The following ZKSCAN1 variants were observed in gnomAD, a reference collection of about 807,000 sequenced individuals.
ZKSCAN1 encodes the protein zinc finger protein with KRAB and SCAN domains 1.
ZKSCAN1 carries 14 observed loss-of-function variants against 51.6 expected under a neutral mutation model. That is an observed-to-expected ratio of 0.27 (90% CI 0.18 to 0.42). ZKSCAN1 has a LOEUF of 0.42. Ranked by LOEUF, ZKSCAN1 falls within the 10% of genes least tolerant of loss-of-function variation. ZKSCAN1 has a pLI of 1.00. For synonymous variants in ZKSCAN1, 263 were observed against 261.5 expected, an observed-to-expected ratio of 1.01 and a Z score of -0.06; for missense variants, 531 against 710.0, an observed-to-expected ratio of 0.75 and a Z score of 2.86.
intron 1 of ZKSCAN1, chr7:100,016,768 A>G (rs1790383899): frequency 1.3e-5 from 2 of 152,334 alleles, no homozygotes; most frequent in South Asian, 2.1e-4. Flanking sequence ...GGCCAGTGCT[A>G]GGCGGATTGG....
Position 100,037,266 on chromosome 7 carries a change from A to C in ZKSCAN1, c.*3069A>C. The C allele has an allele frequency of 2.0e-6, 2 of 985,412 alleles. No individual in the cohort carries two copies. Among genetic ancestry groups the C allele is most frequent in the Non-Finnish European group, 2.4e-6 (2 of 829,928 alleles). 61.0% of individuals were successfully genotyped at this position (985,412 alleles called of 1,614,324 possible). The stretch of plus-strand genomic sequence containing the variant: ...TTAGCATGCTAGTTGTCCTAATGGA[A>C]ATTTTTGAAGAGTTTTTCAATATAT... On this transcript the variant is annotated 3_prime_UTR_variant, in exon 6 of 6. Coordinates refer to ENST00000324306, the MANE Select transcript of ZKSCAN1 (RefSeq NM_003439.4).
At chr7:100,024,034 G>A in intron 2 of ZKSCAN1, 102 bp downstream of exon 2, 1 of 1,521,866 alleles carries the variant, frequency 6.6e-7, no homozygotes, top group African/African-American at 1.4e-5. Flanking sequence ...TGGTTACTCT[G>A]TCTTAAAAAT....
Position 100,036,482 on chromosome 7 carries a change from C to T in ZKSCAN1, c.*2285C>T, listed in dbSNP as rs1471946167. 8.2e-6 allele frequency: 8 copies of T among 977,090 alleles called. No individual in the cohort carries two copies. The highest frequency in any genetic ancestry group is 4.7e-5 in the South Asian group (1 of 21,138). The allele number at this position is 977,090 out of a possible 1,614,324, so 60.5% of individuals were successfully genotyped here. A position where few individuals can be genotyped will look rare whatever the true frequency, so the allele number is the denominator to read the frequency against. On this transcript the variant is annotated 3_prime_UTR_variant, in exon 6 of 6. Coordinates refer to ENST00000324306, the MANE Select transcript of ZKSCAN1 (RefSeq NM_003439.4). Reference sequence around the variant, plus strand: ...CTGTAATCCCAGCACTTTGGGAGGCCGAGGTGAGCGGATCACCTGAGGTCA... The same window carrying T: ...CTGTAATCCCAGCACTTTGGGAGGCTGAGGTGAGCGGATCACCTGAGGTCA...
Position 100,038,398 on chromosome 7 carries a change from C to T in ZKSCAN1, c.*4201C>T, listed in dbSNP as rs1223139015. 2.0e-6 allele frequency: 2 copies of T among 985,288 alleles called. No individual in the cohort carries two copies. Among genetic ancestry groups the T allele is most frequent in the East Asian group, 1.1e-4 (1 of 8,820 alleles). The allele number at this position is 985,288 out of a possible 1,614,324, so 61.0% of individuals were successfully genotyped here. The stretch of plus-strand genomic sequence containing the variant: ...AAGGGAAAAGCTTCATAGTTTGGTG[C>T]TTATCACATCAAGAGATTGGTAAAT... On this transcript the variant is annotated 3_prime_UTR_variant, in exon 6 of 6. Transcript: ENST00000324306.
At chr7:100,028,610 G>C (rs1415727841) in intron 3 of ZKSCAN1, among the ~76,000 whole-genome samples, 1 of 152,106 alleles carries the variant, frequency 6.6e-6, no homozygotes, top group South Asian at 2.1e-4. Context: ...CTGTCTACCA[G>C]TAACATTTCC....
Position 100,040,938 on chromosome 7 carries a change from T to G in ZKSCAN1, c.*6741T>G, listed in dbSNP as rs1211002695. 3 of 985,260 alleles carry G rather than the reference T, an allele frequency of 3.0e-6. No individual in the cohort carries two copies. Among genetic ancestry groups the G allele is most frequent in the East Asian group, 2.3e-4 (2 of 8,822 alleles). 61.0% of individuals were successfully genotyped at this position (985,260 alleles called of 1,614,324 possible). A position where few individuals can be genotyped will look rare whatever the true frequency, so the allele number is the denominator to read the frequency against. On this transcript the variant is annotated 3_prime_UTR_variant, in exon 6 of 6. Coordinates refer to ENST00000324306, the MANE Select transcript of ZKSCAN1 (RefSeq NM_003439.4). ...GGTGGGAGGAGACAGGTTGTGGTTA[T>G]GCAGGAAAATCTTGTCCTAAAAATA...
chr7:100,024,892 T>C (rs1355437983), intron 3 of ZKSCAN1: 1 of 55,688 alleles, frequency 1.8e-5, no homozygotes, highest in Non-Finnish European at 3.1e-5. Context: ...AGAGCGAGAC[T>C]GTCTTAAAAA....
rs117644160 is a variant in ZKSCAN1, at chr7:100,032,554, A to G, written c.800-751A>G. ...TTTCCCCTTGTTTTTCTCCTATTTT[A>G]TGTCCAATTAATATTGTGAAGTCAG... On this transcript the variant is annotated intron_variant, in intron 5 of 5. Coordinates refer to ENST00000324306, the MANE Select transcript of ZKSCAN1 (RefSeq NM_003439.4). Among the ~76,000 whole-genome samples the G allele has an allele frequency of 8.9e-4, 136 of 152,158 alleles. 1 individual carries two copies. The East Asian group carries it at 0.023, about 25-fold the overall frequency.
intron 1 of ZKSCAN1, among the ~76,000 whole-genome samples, chr7:100,018,696 A>C (rs977881609): frequency 4.6e-5 from 7 of 152,204 alleles, no homozygotes; most frequent in Admixed American, 4.6e-4. Context: ...GCATCATGAG[A>C]AATTACCTAG....
chr7:100,042,359 G>A (rs568098667), downstream of ZKSCAN1, among the ~76,000 whole-genome samples: 23 of 151,034 alleles, frequency 1.5e-4, no homozygotes, highest in Admixed American at 9.3e-4. Context: ...GAGGATGTGA[G>A]GTTGTGTCCA....
chr7:100,038,015 CTG>C lies in ZKSCAN1; in HGVS notation c.*3820_*3821del. The C allele has an allele frequency of 1.0e-6, 1 of 984,414 alleles. No individual in the cohort carries two copies. Among genetic ancestry groups the C allele is most frequent in the Non-Finnish European group, 1.2e-6 (1 of 829,636 alleles). 61.0% of individuals were successfully genotyped at this position (984,414 alleles called of 1,614,324 possible). A position where few individuals can be genotyped will look rare whatever the true frequency, so the allele number is the denominator to read the frequency against. ...CAGCCTTGAGTGACAGAGCGAGGCTCTGTATCAAAAAAAAAAGTTGCGGGGGG... is the reference window on the plus strand; with the variant it reads ...CAGCCTTGAGTGACAGAGCGAGGCTCTATCAAAAAAAAAAGTTGCGGGGGG... On this transcript the variant is annotated 3_prime_UTR_variant, in exon 6 of 6. Transcript: ENST00000324306.
intron 5 of ZKSCAN1, among the ~76,000 whole-genome samples, chr7:100,032,454 CTT>C (rs1338047466): frequency 6.6e-6 from 1 of 152,240 alleles, no homozygotes; most frequent in Non-Finnish European, 1.5e-5. Context: ...ACTCTCCACT[CTT>C]TGCCTGCGCT....
At chr7:100,028,794 C>CAA (rs56779174) in intron 3 of ZKSCAN1, among the ~76,000 whole-genome samples, 1,372 of 82,932 alleles carry the variant, frequency 0.017, 20 homozygotes, top group Non-Finnish European at 0.021. Flanking sequence ...TACATCTTAT[C>CAA]AAAAAAAAAA....
intron 5 of ZKSCAN1, among the ~76,000 whole-genome samples, chr7:100,032,015 G>T (rs1325386328): frequency 2.6e-5 from 4 of 152,166 alleles, no homozygotes; most frequent in East Asian, 1.9e-4. Flanking sequence ...GGAGATCGAG[G>T]CTGCAGTGAG....
intron 1 of ZKSCAN1, among the ~76,000 whole-genome samples, chr7:100,018,172 TA>T (rs1417583689): frequency 6.6e-6 from 1 of 152,318 alleles, no homozygotes; most frequent in South Asian, 2.1e-4. Flanking sequence ...GCTTTAATGC[TA>T]ACCTGAAACT....
In ZKSCAN1 at chr7:100,039,758, C is replaced by G. The variant is rs1323587097; in HGVS notation, c.*5561C>G. ...GGGTGGGGGCCATATTTCTCTGTGTCCTACTCTGAGCAACTTCTCAGAGAT... is the reference window on the plus strand; with the variant it reads ...GGGTGGGGGCCATATTTCTCTGTGTGCTACTCTGAGCAACTTCTCAGAGAT... On this transcript the variant is annotated 3_prime_UTR_variant, in exon 6 of 6. Coordinates refer to ENST00000324306, the MANE Select transcript of ZKSCAN1 (RefSeq NM_003439.4). The G allele has an allele frequency of 1.0e-6, 1 of 985,366 alleles. No individual in the cohort carries two copies. Among genetic ancestry groups the G allele is most frequent in the Non-Finnish European group, 1.2e-6 (1 of 829,938 alleles). 61.0% of individuals were successfully genotyped at this position (985,366 alleles called of 1,614,324 possible).
At chr7:100,045,158 G>T (rs1211285610), downstream of ZKSCAN1, among the ~76,000 whole-genome samples, 1 of 152,080 alleles carries the variant, frequency 6.6e-6, no homozygotes, top group Non-Finnish European at 1.5e-5. Context: ...ATCTGATCCC[G>T]CTACTTGGGA....
At chr7:100,026,870 A>T (rs1041034191) in intron 3 of ZKSCAN1, among the ~76,000 whole-genome samples, 4 of 152,116 alleles carry the variant, frequency 2.6e-5, no homozygotes, top group Non-Finnish European at 4.4e-5. Flanking sequence ...CTATACAAAA[A>T]CATTTTTTAT....
rs1452069351 is a variant in ZKSCAN1 at position 100,039,756 on chromosome 7, G to A, written c.*5559G>A. The A allele has an allele frequency of 1.0e-6, 1 of 985,278 alleles. No individual in the cohort carries two copies. Among genetic ancestry groups the A allele is most frequent in the African/African-American group, 1.7e-5 (1 of 57,226 alleles). 61.0% of individuals were successfully genotyped at this position (985,278 alleles called of 1,614,324 possible). A position where few individuals can be genotyped will look rare whatever the true frequency, so the allele number is the denominator to read the frequency against. On this transcript the variant is annotated 3_prime_UTR_variant, in exon 6 of 6. Coordinates refer to ENST00000324306, the MANE Select transcript of ZKSCAN1 (RefSeq NM_003439.4). The stretch of plus-strand genomic sequence containing the variant: ...CAGGGTGGGGGCCATATTTCTCTGT[G>A]TCCTACTCTGAGCAACTTCTCAGAG...
Sources: gnomAD v4.1 joint callset for allele counts (sites outside exome capture counted in the v4.1 genomes callset) on GRCh38, gnomAD v4.1.1 for gene constraint, MANE v1.5 for transcripts, NCBI Gene and HGNC (gene_info 2026-07-23, HGNC 2026-07-21) for gene names.